The following RALGPS1 variants were observed in gnomAD, a reference collection of about 807,000 sequenced individuals.
RALGPS1 encodes the protein Ral GEF with PH domain and SH3 binding motif 1, also known as ras-specific guanine nucleotide-releasing factor RalGPS1.
A neutral mutation model predicts 78.8 loss-of-function variants in RALGPS1; 19 were observed. The ratio of observed to expected loss-of-function variants is 0.24; its 90% CI spans 0.17 to 0.35. The LOEUF (loss-of-function observed/expected upper bound fraction) is 0.35. RALGPS1 is among the 10% of genes least tolerant of loss of function. The pLI, the probability that RALGPS1 is intolerant of heterozygous loss-of-function variation, is 1.00. For synonymous variants in RALGPS1, 228 were observed against 256.3 expected (o/e 0.89, Z 1.06); for missense variants, 454 against 688.3 (o/e 0.66, Z 3.81).
At chr9:127,015,083 G>C (rs145307259) in intron 4 of RALGPS1, among the ~76,000 whole-genome samples, 3 of 152,236 alleles carry the variant, frequency 2.0e-5, no homozygotes, top group African/African-American at 7.2e-5. Context: ...TTCCTTCCCT[G>C]TCTTTTTGTT....
At chr9:127,171,467 G>C (rs910057140) in intron 10 of RALGPS1, among the ~76,000 whole-genome samples, 4 of 152,140 alleles carry the variant, frequency 2.6e-5, no homozygotes, top group Admixed American at 1.3e-4. Flanking sequence ...TAATAAAAGA[G>C]GGCCGGGCAC....
Position 127,182,434 on chromosome 9 carries a change from C to CT in RALGPS1, c.910+7667dup, listed in dbSNP as rs758462743. 3.4e-3 allele frequency among the ~76,000 whole-genome samples: 391 copies of CT among 114,768 alleles called. 1 individual carries two copies. The highest frequency in any genetic ancestry group is 4.5e-3 in the Non-Finnish European group (255 of 56,490). 75.3% of individuals were successfully genotyped at this position (114,768 alleles called of 152,430 possible). A position where few individuals can be genotyped will look rare whatever the true frequency, so the allele number is the denominator to read the frequency against. ...CCTTCCTTCCTCCCTTCCTTCCTTCCTTTTTTTTTTTTTTTGACGGAGTCT... is the reference window on the plus strand; with the variant it reads ...CCTTCCTTCCTCCCTTCCTTCCTTCCTTTTTTTTTTTTTTTTGACGGAGTCT... On this transcript the variant is annotated intron_variant, in intron 11 of 18. Transcript: ENST00000259351.
chr9:127,107,800 T>G, intron 8 of RALGPS1: 8 of 1,083,514 alleles, frequency 7.4e-6, no homozygotes, highest in Non-Finnish European at 7.9e-6. Context: ...GGATTGTGCA[T>G]GTCTTTGGCC....
intron 8 of RALGPS1, chr9:127,094,034 C>T: frequency 7.7e-7 from 1 of 1,299,306 alleles, no homozygotes. Flanking sequence ...AGCTGGGAGC[C>T]ACAGGCCCAC....
At chr9:126,952,730 T>A (rs1203298251) in intron 1 of RALGPS1, among the ~76,000 whole-genome samples, 1 of 151,782 alleles carries the variant, frequency 6.6e-6, no homozygotes, top group African/African-American at 2.4e-5. Context: ...TGTGCCTGTG[T>A]GCACACGTGT....
At chr9:126,992,214 C>T (rs2042341061) in intron 4 of RALGPS1, among the ~76,000 whole-genome samples, 1 of 152,142 alleles carries the variant, frequency 6.6e-6, no homozygotes, top group South Asian at 2.1e-4. Flanking sequence ...AATATGACTA[C>T]CTCAAAAGAA....
chr9:127,132,015 G>A (rs754486331), intron 8 of RALGPS1, among the ~76,000 whole-genome samples: 1 of 152,178 alleles, frequency 6.6e-6, no homozygotes. Context: ...ACCACTCCTC[G>A]AGATAGAGGA....
chr9:127,184,048 A>G (rs1241536066), intron 11 of RALGPS1: 6 of 1,547,106 alleles, frequency 3.9e-6, no homozygotes, highest in Non-Finnish European at 5.2e-6. Context: ...AAGGTCAACC[A>G]GGTGCAGTGG....
At chr9:127,078,113 G>A (rs1304262785) in intron 8 of RALGPS1, among the ~76,000 whole-genome samples, 4 of 152,208 alleles carry the variant, frequency 2.6e-5, no homozygotes, top group Admixed American at 2.6e-4. Flanking sequence ...GCAAGGAAAA[G>A]CTTCCCTCGA....
chr9:126,964,058 T>TA (rs1373628969), intron 2 of RALGPS1, among the ~76,000 whole-genome samples: 1 of 152,092 alleles, frequency 6.6e-6, no homozygotes, highest in Non-Finnish European at 1.5e-5. Context: ...TGTGGAACTT[T>TA]AAAAATAGCC....
chr9:127,017,901 G>A (rs1274024322), intron 4 of RALGPS1, among the ~76,000 whole-genome samples: 2 of 152,088 alleles, frequency 1.3e-5, no homozygotes, highest in East Asian at 3.8e-4. Context: ...TCACACACAT[G>A]GAGCTGTCAT....
At chr9:127,042,076 G>A (rs989535053) in intron 5 of RALGPS1, among the ~76,000 whole-genome samples, 20 of 152,190 alleles carry the variant, frequency 1.3e-4, no homozygotes, top group African/African-American at 4.8e-4. Context: ...ATAAGAAATA[G>A]TAGTATTTTT....
At chr9:127,083,661 A>G (rs1323173965) in intron 8 of RALGPS1, among the ~76,000 whole-genome samples, 4 of 152,178 alleles carry the variant, frequency 2.6e-5, no homozygotes, top group African/African-American at 9.7e-5. Flanking sequence ...AATCAGGTGT[A>G]AGAAGAAACC....
chr9:126,944,000 G>A (rs1203236562), intron 1 of RALGPS1, among the ~76,000 whole-genome samples: 5 of 152,238 alleles, frequency 3.3e-5, no homozygotes, highest in Non-Finnish European at 7.3e-5. Context: ...TATAAGCCTG[G>A]CACCCTAACA....
At chr9:126,955,651 G>A (rs62578940) in intron 1 of RALGPS1, among the ~76,000 whole-genome samples, 58,399 of 151,826 alleles carry the variant, frequency 0.38, 12,981 homozygotes, top group Non-Finnish European at 0.48. Flanking sequence ...TAATTTTTTG[G>A]TATAATTTTA....
intron 8 of RALGPS1, among the ~76,000 whole-genome samples, chr9:127,114,275 A>G (rs1185996297): frequency 6.6e-6 from 1 of 152,232 alleles, no homozygotes; most frequent in Non-Finnish European, 1.5e-5. Flanking sequence ...TTTTAAGGCT[A>G]ACAGCAAAGC....
At chr9:127,114,127 C>T (rs1261068930) in intron 8 of RALGPS1, among the ~76,000 whole-genome samples, 9 of 152,300 alleles carry the variant, frequency 5.9e-5, no homozygotes, top group East Asian at 5.8e-4. Flanking sequence ...CCTCGGAAGG[C>T]GGCCTGTTAT....
chr9:127,115,644 A>G (rs926306442), intron 8 of RALGPS1, among the ~76,000 whole-genome samples: 1 of 152,240 alleles, frequency 6.6e-6, no homozygotes, highest in Admixed American at 6.5e-5. Flanking sequence ...TGTCTCTTCA[A>G]CCAGTATGAA....
intron 1 of RALGPS1, among the ~76,000 whole-genome samples, chr9:126,916,617 CT>C: frequency 6.6e-6 from 1 of 152,266 alleles, no homozygotes. Context: ...CCCCTCTCTA[CT>C]AAAAAATACA....
Sources: allele counts gnomAD v4.1 joint callset (sites outside exome capture counted in the v4.1 genomes callset), GRCh38; gene constraint gnomAD v4.1.1; transcripts MANE v1.5; gene names NCBI Gene and HGNC (gene_info 2026-07-23, HGNC 2026-07-21).